Variants in TLN2 observed in about 807,000 individuals in gnomAD.
The protein encoded by TLN2 is talin-2.
Under a neutral mutation model 294.7 loss-of-function variants are expected in TLN2, and 118 were observed. That is an observed-to-expected ratio of 0.40 (90% CI 0.34 to 0.47). The LOEUF is 0.47. Ranked by LOEUF, TLN2 falls within the 20% of genes least tolerant of loss-of-function variation. TLN2 has a pLI of 0.84. For synonymous variants in TLN2, 1,431 were observed against 1,304.5 expected, an observed-to-expected ratio of 1.10 and a Z score of -2.09; for missense variants, 3,083 against 3,282.2, an observed-to-expected ratio of 0.94 and a Z score of 1.48.
intron 1 of TLN2, among the ~76,000 whole-genome samples, chr15:62,580,691 A>C (rs1054644060): frequency 6.6e-6 from 1 of 151,770 alleles, no homozygotes; most frequent in African/African-American, 2.4e-5. Context: ...GATTATAGGC[A>C]TGCACCACTG....
At chr15:62,467,376 A>G (rs2037195995) in intron 1 of TLN2, among the ~76,000 whole-genome samples, 1 of 152,200 alleles carries the variant, frequency 6.6e-6, no homozygotes, top group South Asian at 2.1e-4. Context: ...CCTTAATTTT[A>G]CTCAGGTAAT....
chr15:62,535,717 G>A lies in TLN2; in HGVS notation c.-237-53970G>A, dbSNP rs115752937. 9.8e-3 allele frequency among the ~76,000 whole-genome samples: 1,485 copies of A among 152,118 alleles called. 28 individuals are homozygous for A. Among genetic ancestry groups the A allele is most frequent in the African/African-American group, 0.034 (1,417 of 41,468 alleles). On this transcript the variant is annotated intron_variant, in intron 1 of 58. Transcript: ENST00000636159. ...ATTATGGGTGCCTGCCGCCACGCCC[G>A]GCTAATTTTTGTAATTTAGTAGAGA...
chr15:62,586,377 A>T (rs971997945), intron 1 of TLN2, among the ~76,000 whole-genome samples: 21 of 152,238 alleles, frequency 1.4e-4, no homozygotes, highest in African/African-American at 4.8e-4. Flanking sequence ...AGGAGCTGCC[A>T]GCAGATGAAG....
At chr15:62,406,831 T>C (rs116520351) in intron 1 of TLN2, among the ~76,000 whole-genome samples, 289 of 152,300 alleles carry the variant, frequency 1.9e-3, no homozygotes, top group African/African-American at 6.7e-3. Flanking sequence ...CCACTTTTTA[T>C]GAGGACAACA....
chr15:62,771,968 T>C (rs2141051223), intron 42 of TLN2, among the ~76,000 whole-genome samples: 1 of 152,364 alleles, frequency 6.6e-6, no homozygotes, highest in South Asian at 2.1e-4. Context: ...CCTTTTCTTT[T>C]CTTTTTTTGA....
chr15:62,774,000 C>T (rs936074804), intron 42 of TLN2, among the ~76,000 whole-genome samples: 1 of 152,124 alleles, frequency 6.6e-6, no homozygotes, highest in Non-Finnish European at 1.5e-5. Context: ...CGCAGAGCTC[C>T]CTTCTCCACT....
intron 1 of TLN2, among the ~76,000 whole-genome samples, chr15:62,447,188 A>G (rs1481972614): frequency 6.8e-6 from 1 of 146,036 alleles, no homozygotes; most frequent in South Asian, 2.1e-4. Flanking sequence ...TATTTATTTA[A>G]TTAGGAACTA....
At chr15:62,468,778 TAAAAA>T (rs10551431) in intron 1 of TLN2, among the ~76,000 whole-genome samples, 53 of 149,676 alleles carry the variant, frequency 3.5e-4, no homozygotes, top group African/African-American at 1.1e-3. Context: ...AATACAAAAA[TAAAAA>T]AAAAAATACA....
chr15:62,592,948 C>T (rs1219117726), intron 2 of TLN2, among the ~76,000 whole-genome samples: 1 of 152,168 alleles, frequency 6.6e-6, no homozygotes, highest in Non-Finnish European at 1.5e-5. Flanking sequence ...ATGCAATATT[C>T]TGACCTTATC....
At chr15:62,500,025 G>C (rs188633388) in intron 1 of TLN2, among the ~76,000 whole-genome samples, 40 of 152,216 alleles carry the variant, frequency 2.6e-4, no homozygotes, top group African/African-American at 9.6e-4. Context: ...GGTGGGCGTT[G>C]GTGGTTTTCT....
intron 47 of TLN2, among the ~76,000 whole-genome samples, 193 bp downstream of exon 47, chr15:62,796,486 TC>T (rs2065487560): frequency 6.6e-6 from 1 of 152,196 alleles, no homozygotes; most frequent in Non-Finnish European, 1.5e-5. Context: ...GTGTCGTGGT[TC>T]GAGCTTTGCC....
intron 46 of TLN2, among the ~76,000 whole-genome samples, chr15:62,795,114 C>T (rs1011711816): frequency 1.3e-5 from 2 of 152,158 alleles, no homozygotes; most frequent in Non-Finnish European, 2.9e-5. Flanking sequence ...GTCCGGGGCT[C>T]AGCTGTTTTG....
chr15:62,790,788 C>T (rs547235550), intron 45 of TLN2, among the ~76,000 whole-genome samples: 2 of 152,200 alleles, frequency 1.3e-5, no homozygotes, highest in African/African-American at 2.4e-5. Context: ...AAACATGTCC[C>T]GCAAACACAT....
intron 32 of TLN2, among the ~76,000 whole-genome samples, chr15:62,743,159 A>G (rs953288233): frequency 3.3e-5 from 5 of 152,208 alleles, no homozygotes; most frequent in Non-Finnish European, 4.4e-5. Flanking sequence ...AAAAGTGCAC[A>G]GGAAGCTGGG....
At chr15:62,788,352 C>G (rs1250024215) in intron 45 of TLN2, among the ~76,000 whole-genome samples, 1 of 152,116 alleles carries the variant, frequency 6.6e-6, no homozygotes, top group Admixed American at 6.5e-5. Flanking sequence ...GGATGTTCCC[C>G]TAGTAAAACA....
intron 1 of TLN2, among the ~76,000 whole-genome samples, chr15:62,456,165 C>A (rs767921286): frequency 1.3e-5 from 2 of 152,152 alleles, no homozygotes; most frequent in Non-Finnish European, 2.9e-5. Flanking sequence ...GCTTCTCCAG[C>A]CTTCCTTTTC....
chr15:62,557,094 T>C (rs937374267), intron 1 of TLN2, among the ~76,000 whole-genome samples: 2 of 152,204 alleles, frequency 1.3e-5, no homozygotes, highest in Non-Finnish European at 2.9e-5. Flanking sequence ...CTCAGTGCAC[T>C]ACACAGAACC....
At chr15:62,783,922 G>GCA (rs762135974) in intron 45 of TLN2, 32 bp downstream of exon 45, 2 of 1,611,648 alleles carry the variant, frequency 1.2e-6, no homozygotes. Flanking sequence ...ATTTTAAGAT[G>GCA]CACACACACA....
chr15:62,548,027 A>G (rs922497579), intron 1 of TLN2, among the ~76,000 whole-genome samples: 5 of 152,240 alleles, frequency 3.3e-5, no homozygotes, highest in Non-Finnish European at 7.3e-5. Context: ...AAGGGGTTGC[A>G]AACATATGGA....
Sources: allele counts gnomAD v4.1 joint callset (sites outside exome capture counted in the v4.1 genomes callset), GRCh38; gene constraint gnomAD v4.1.1; transcripts MANE v1.5; gene names NCBI Gene and HGNC (gene_info 2026-07-23, HGNC 2026-07-21).